ARFGEF2: variants seen among roughly 807,000 people sequenced by gnomAD.
ARFGEF2 encodes the protein brefeldin A-inhibited guanine nucleotide-exchange protein 2.
In ARFGEF2, 74 loss-of-function variants were observed where a neutral mutation model predicts 219.9. The ratio of observed to expected loss-of-function variants is 0.34; its 90% CI spans 0.28 to 0.41. ARFGEF2 has a LOEUF of 0.41. ARFGEF2 is among the 10% of genes least tolerant of loss of function. The pLI is 1.00. For missense variants in ARFGEF2, 1,743 were observed against 2,218.3 expected (o/e 0.79, Z 4.30); for synonymous variants, 733 against 799.2 (o/e 0.92, Z 1.40).
intron 15 of ARFGEF2, 26 bp from the exon 16 acceptor site, chr20:48,985,382 G>A (rs1196633493): frequency 1.2e-6 from 2 of 1,613,054 alleles, no homozygotes; most frequent in South Asian, 1.1e-5. Flanking sequence ...ACAATTTCTG[G>A]ATATAAGTGA....
At chr20:48,961,091 T>TAATAATAATAATAATAATAAG in intron 6 of ARFGEF2, among the ~76,000 whole-genome samples, 1 of 148,184 alleles carries the variant, frequency 6.7e-6, no homozygotes, top group Non-Finnish European at 1.5e-5. Context: ...AATATAATAA[T>TAATAATAATAATAATAATAAG]AATAATAATA....
chr20:48,963,503 A>T (rs1306737867), intron 6 of ARFGEF2, among the ~76,000 whole-genome samples: 5 of 152,196 alleles, frequency 3.3e-5, no homozygotes, highest in Admixed American at 1.3e-4. Flanking sequence ...CTCTGGCTGG[A>T]TAAAATCGAG....
chr20:49,019,107 C>G, intron 34 of ARFGEF2, 109 bp downstream of exon 34: 1 of 889,258 alleles, frequency 1.1e-6, no homozygotes. Context: ...CCCTGTGCCT[C>G]AGTCTGCCAG....
chr20:48,983,640 C>T (rs1288163714), intron 14 of ARFGEF2, among the ~76,000 whole-genome samples: 5 of 152,166 alleles, frequency 3.3e-5, no homozygotes, highest in Admixed American at 3.3e-4. Flanking sequence ...TTTTCAGTCC[C>T]TTGAACACCT....
intron 3 of ARFGEF2, among the ~76,000 whole-genome samples, chr20:48,949,951 C>T (rs1487766128): frequency 6.6e-6 from 1 of 152,164 alleles, no homozygotes; most frequent in African/African-American, 2.4e-5. Context: ...ACGTGGATAG[C>T]TTGGAGAAAA....
chr20:48,944,920 T>C (rs987837393), intron 3 of ARFGEF2, among the ~76,000 whole-genome samples: 3 of 152,162 alleles, frequency 2.0e-5, no homozygotes, highest in Non-Finnish European at 4.4e-5. Flanking sequence ...TAACAGAATA[T>C]CATAGACTGG....
chr20:48,966,108 C>G, intron 8 of ARFGEF2, 85 bp downstream of exon 8: 1 of 1,538,408 alleles, frequency 6.5e-7, no homozygotes, highest in Non-Finnish European at 8.9e-7. Context: ...TCAAAAGAAG[C>G]AACTAAAATA....
intron 26 of ARFGEF2, among the ~76,000 whole-genome samples, chr20:49,009,040 T>C (rs1453131276): frequency 6.6e-6 from 1 of 152,204 alleles, no homozygotes; most frequent in Non-Finnish European, 1.5e-5. Context: ...TTCTGTATTT[T>C]CCAAAACTTT....
chr20:48,980,333 T>G (rs1356202209), intron 14 of ARFGEF2, among the ~76,000 whole-genome samples: 5 of 152,264 alleles, frequency 3.3e-5, no homozygotes, highest in Non-Finnish European at 7.3e-5. Flanking sequence ...TTGATTGCAC[T>G]GTGGTCTGAG....
intron 26 of ARFGEF2, among the ~76,000 whole-genome samples, chr20:49,010,006 T>G (rs2091486704): frequency 6.6e-6 from 1 of 152,242 alleles, no homozygotes; most frequent in Non-Finnish European, 1.5e-5. Flanking sequence ...GAGGGTCAGC[T>G]TCTCAACCTT....
chr20:48,930,737 AT>A (rs1471765775), intron 1 of ARFGEF2, among the ~76,000 whole-genome samples: 1 of 152,148 alleles, frequency 6.6e-6, no homozygotes, highest in African/African-American at 2.4e-5. Context: ...CCTGATGTTC[AT>A]AAGAGAGGTC....
chr20:48,941,208 A>T lies in ARFGEF2; in HGVS notation c.131A>T (p.Lys44Ile). The T allele has an allele frequency of 1.9e-6, 3 of 1,613,476 alleles. No individual in the cohort carries two copies. The highest frequency in any genetic ancestry group is 2.5e-6 in the Non-Finnish European group (3 of 1,179,630). Residue 44 changes from lysine (K) to isoleucine (I), a missense_variant, in exon 2 of 39, where the codon AAA (lysine) becomes ATA (isoleucine). Around this residue, in one of 5 missense-constraint regions of ARFGEF2, gnomAD observed 394 missense variants for 426.6 expected, o/e 0.92. Coordinates refer to ENST00000371917, the MANE Select transcript of ARFGEF2 (RefSeq NM_006420.3). ...RACQVALDEI[K>I]AEIEKQRLGT... ...CTTCCTTCCTTACCAGATGAAATTA[A>T]AGCAGAAATAGAAAAGCAGAGGTAA...
At chr20:48,962,910 A>G (rs917187807) in intron 6 of ARFGEF2, among the ~76,000 whole-genome samples, 1 of 152,114 alleles carries the variant, frequency 6.6e-6, no homozygotes, top group Non-Finnish European at 1.5e-5. Context: ...GTGATGTTTT[A>G]TAAATGAGTA....
At chr20:49,014,014 G>T in intron 30 of ARFGEF2, 54 bp downstream of exon 30, 1 of 1,610,764 alleles carries the variant, frequency 6.2e-7, no homozygotes, top group African/African-American at 1.3e-5. Flanking sequence ...AAGCCTTTCT[G>T]GCCGGTATTT....
intron 1 of ARFGEF2, among the ~76,000 whole-genome samples, chr20:48,929,285 AGGAG>A (rs1481737398): frequency 6.6e-6 from 1 of 152,208 alleles, no homozygotes; most frequent in Non-Finnish European, 1.5e-5. Flanking sequence ...TACCTTTGTG[AGGAG>A]AACAGCCTTC....
At position 49,022,500 on chromosome 20, in the gene ARFGEF2, C is replaced by G. The variant is rs115527167; in HGVS notation, c.4625-551C>G. On this transcript the variant is annotated intron_variant, in intron 34 of 38. Transcript: ENST00000371917. ...CTACTGCAGGAACCTGAAACGTCCT[C>G]TGGTTAGGGCACAGTCCAGTGGTGG... 7.7e-3 allele frequency among the ~76,000 whole-genome samples: 1,178 copies of G among 152,200 alleles called. 18 individuals carry two copies. The highest frequency in any genetic ancestry group is 0.026 in the African/African-American group (1,082 of 41,564).
chr20:49,033,282 A>C lies in ARFGEF2; in HGVS notation c.*83A>C, dbSNP rs1018837530. On this transcript the variant is annotated 3_prime_UTR_variant, in exon 39 of 39. Coordinates refer to ENST00000371917, the MANE Select transcript of ARFGEF2 (RefSeq NM_006420.3). ...ACTGGCACATCTCGTGAAGTTTCAT[A>C]GAAACAAGGAGTTGGCATCTTGGAT... 3.3e-6 allele frequency: 5 copies of C among 1,515,918 alleles called. No homozygotes were observed. Among genetic ancestry groups the C allele is most frequent in the African/African-American group, 1.4e-5 (1 of 72,902 alleles). The allele number at this position is 1,515,918 out of a possible 1,614,324, so 93.9% of individuals were successfully genotyped here.
chr20:48,950,811 A>AATAAAT (rs2091064480), intron 3 of ARFGEF2, among the ~76,000 whole-genome samples: 1 of 64,482 alleles, frequency 1.6e-5, no homozygotes, highest in East Asian at 4.9e-4. Flanking sequence ...AAAAAAAAAA[A>AATAAAT]ATATATATAT....
chr20:49,017,171 C>G (rs1317917562), intron 31 of ARFGEF2, 78 bp from the exon 32 acceptor site: 2 of 1,462,726 alleles, frequency 1.4e-6, no homozygotes, highest in Non-Finnish European at 1.9e-6. Context: ...CTCCAACTCA[C>G]AATATACAGT....
Sources: gnomAD v4.1 joint callset for allele counts (sites outside exome capture counted in the v4.1 genomes callset) on GRCh38, gnomAD v4.1.1 for gene constraint, gnomAD v4.1.1 regional missense constraint, MANE v1.5 for transcripts, NCBI Gene and HGNC (gene_info 2026-07-23, HGNC 2026-07-21) for gene names.